The following ACYP2 variants were observed in gnomAD, a reference collection of about 807,000 sequenced individuals.
The protein encoded by ACYP2 is acylphosphatase 2.
In ACYP2, 12 loss-of-function variants were observed where a neutral mutation model predicts 11.2. The observed-to-expected ratio is 1.08, with a 90% confidence interval of 0.69 to 1.74. ACYP2 has a LOEUF of 1.74. Ranked by LOEUF, ACYP2 falls within the 40% of genes most tolerant of loss-of-function variation. ACYP2 has a pLI of 0.00. For synonymous variants in ACYP2, 43 were observed against 32.2 expected, an observed-to-expected ratio of 1.33 and a Z score of -1.13; for missense variants, 134 against 101.9, an observed-to-expected ratio of 1.31 and a Z score of -1.35.
intron 4 of ACYP2, among the ~76,000 whole-genome samples, chr2:54,083,607 C>T (rs1327111618): frequency 6.6e-6 from 1 of 152,096 alleles, no homozygotes; most frequent in Non-Finnish European, 1.5e-5. Flanking sequence ...GAACCAAACA[C>T]ATGTGATGGA....
At chr2:53,989,379 C>T (rs1291931427) in intron 2 of ACYP2, among the ~76,000 whole-genome samples, 1 of 151,556 alleles carries the variant, frequency 6.6e-6, no homozygotes, top group East Asian at 1.9e-4. Flanking sequence ...CATGAGCCAC[C>T]ATGCCCTGCC....
At chr2:54,121,198 A>G (rs1306941130) in intron 4 of ACYP2, among the ~76,000 whole-genome samples, 1 of 152,104 alleles carries the variant, frequency 6.6e-6, no homozygotes, top group Non-Finnish European at 1.5e-5. Context: ...AAGAGAGGGG[A>G]CCCGAAGTGG....
rs183431117 is a variant in ACYP2, at chr2:54,025,299, C to T, written c.63-25659C>T. ...GCAAGACTAAGCAAAAAGAACACAT[C>T]AGGAGCCATCACATTACCTGACTTT... On this transcript the variant is annotated intron_variant, in intron 2 of 6. Transcript: ENST00000607452. 2.0e-5 allele frequency among the ~76,000 whole-genome samples: 3 copies of T among 152,258 alleles called. No homozygotes were observed. In the East Asian group the frequency reaches 5.8e-4, roughly 29 times the overall value.
intron 6 of ACYP2, among the ~76,000 whole-genome samples, chr2:54,193,791 G>T (rs1223552902): frequency 6.6e-6 from 1 of 152,102 alleles, no homozygotes; most frequent in African/African-American, 2.4e-5. Context: ...CTGTAATTAG[G>T]ATATTACTGT....
At chr2:54,118,501 T>G (rs753262993) in intron 4 of ACYP2, among the ~76,000 whole-genome samples, 32 of 152,264 alleles carry the variant, frequency 2.1e-4, no homozygotes, top group Non-Finnish European at 7.3e-5. Context: ...AGAGATTCAG[T>G]AACTTGGACA....
intron 2 of ACYP2, among the ~76,000 whole-genome samples, chr2:54,013,265 G>C (rs866074308): frequency 1.1e-5 from 1 of 90,694 alleles, no homozygotes; most frequent in African/African-American, 5.0e-5. Context: ...ATGTGTGTGT[G>C]TGTGTGTGTG....
chr2:53,976,445 A>G (rs961634939), intron 2 of ACYP2, among the ~76,000 whole-genome samples: 1 of 152,144 alleles, frequency 6.6e-6, no homozygotes, highest in Non-Finnish European at 1.5e-5. Context: ...GGACTCAAGC[A>G]ATCTGCCCGC....
At chr2:53,978,763 A>G (rs995074633) in intron 2 of ACYP2, among the ~76,000 whole-genome samples, 7 of 152,196 alleles carry the variant, frequency 4.6e-5, no homozygotes, top group African/African-American at 1.4e-4. Context: ...TCTACCAAAA[A>G]TACAAAAACA....
At chr2:54,017,055 A>C (rs1351384500) in intron 2 of ACYP2, among the ~76,000 whole-genome samples, 1 of 151,714 alleles carries the variant, frequency 6.6e-6, no homozygotes, top group East Asian at 2.0e-4. Flanking sequence ...CTTCTTGCTG[A>C]TTCTCACATG....
At chr2:54,124,396 A>T (rs1026768126) in intron 4 of ACYP2, among the ~76,000 whole-genome samples, 2 of 152,014 alleles carry the variant, frequency 1.3e-5, no homozygotes, top group African/African-American at 4.8e-5. Flanking sequence ...GGGTTTCTCC[A>T]TGTTGGTCAG....
intron 6 of ACYP2, chr2:54,256,419 A>G (rs1687537538): frequency 2.1e-6 from 1 of 466,802 alleles, no homozygotes. Flanking sequence ...GCCAAAGTCT[A>G]ATGAGCTGAG....
chr2:54,288,960 C>T (rs1689192561), intron 6 of ACYP2, among the ~76,000 whole-genome samples: 2 of 151,942 alleles, frequency 1.3e-5, no homozygotes, highest in Admixed American at 1.3e-4. Context: ...TTCTGCGACC[C>T]CAAGCTTTTA....
intron 6 of ACYP2, among the ~76,000 whole-genome samples, chr2:54,231,281 A>C (rs1686226617): frequency 6.6e-6 from 1 of 152,252 alleles, no homozygotes. Context: ...TATTTGGCTC[A>C]GAATAAATCT....
intron 6 of ACYP2, among the ~76,000 whole-genome samples, chr2:54,266,529 T>G (rs962866839): frequency 6.8e-6 from 1 of 146,120 alleles, no homozygotes; most frequent in Non-Finnish European, 1.5e-5. Context: ...TGCAGAAATA[T>G]ATAGATATAG....
At chr2:54,031,583 C>T (rs1001734388) in intron 2 of ACYP2, among the ~76,000 whole-genome samples, 11 of 152,198 alleles carry the variant, frequency 7.2e-5, no homozygotes, top group African/African-American at 2.4e-4. Context: ...CCGCAATAAA[C>T]ATACATGTGC....
rs971407558 is a variant in ACYP2 at position 54,158,912 on chromosome 2, G to C, written c.404+20164G>C. 3.9e-5 allele frequency among the ~76,000 whole-genome samples: 6 copies of C among 152,234 alleles called. No individual in the cohort carries two copies. The South Asian group carries it at 1.2e-3, about 32-fold the overall frequency. On this transcript the variant is annotated intron_variant, in intron 6 of 6. Transcript: ENST00000607452. ...AAACAAATTTGGACAATATTTTGAT[G>C]CATAATGCAAGTTTGTATTTCTCTT...
chr2:53,984,843 A>G (rs1029378957), intron 2 of ACYP2, among the ~76,000 whole-genome samples: 1 of 151,838 alleles, frequency 6.6e-6, no homozygotes, highest in Admixed American at 6.6e-5. Flanking sequence ...AGCATTTATT[A>G]GTCCATGATA....
intron 6 of ACYP2, among the ~76,000 whole-genome samples, chr2:54,195,198 G>A (rs2103894533): frequency 6.6e-6 from 1 of 152,248 alleles, no homozygotes; most frequent in East Asian, 1.9e-4. Context: ...TGCTATAAAA[G>A]GGCCGATTGT....
chr2:53,993,445 A>G (rs771613857), intron 2 of ACYP2, among the ~76,000 whole-genome samples: 3 of 151,958 alleles, frequency 2.0e-5, no homozygotes, highest in Middle Eastern at 3.4e-3. Context: ...TGGTGGTTCA[A>G]GCCTGTAATC....
Sources: gnomAD v4.1 joint callset for allele counts (sites outside exome capture counted in the v4.1 genomes callset) on GRCh38, gnomAD v4.1.1 for gene constraint, MANE v1.5 for transcripts, NCBI Gene and HGNC (gene_info 2026-07-23, HGNC 2026-07-21) for gene names.